The following SOX6 variants were observed in gnomAD, a reference collection of about 807,000 sequenced individuals.
SOX6 encodes SRY-box transcription factor 6.
A neutral mutation model predicts 97.8 loss-of-function variants in SOX6; 11 were observed. The ratio of observed to expected loss-of-function variants is 0.11; its 90% CI spans 0.07 to 0.19. The LOEUF (loss-of-function observed/expected upper bound fraction) is 0.19, where lower values mean the gene tolerates loss of function less well. SOX6 is among the 10% of genes least tolerant of loss of function. SOX6 has a pLI of 1.00. For synonymous variants in SOX6, 360 were observed against 371.4 expected (o/e 0.97, Z 0.35); for missense variants, 810 against 1,039.5 (o/e 0.78, Z 3.04).
At chr11:16,087,712 T>C (rs1848607136) in intron 9 of SOX6, among the ~76,000 whole-genome samples, 1 of 152,144 alleles carries the variant, frequency 6.6e-6, no homozygotes, top group African/African-American at 2.4e-5. Flanking sequence ...GGTGAGGATA[T>C]TTCTGCTAAG....
intron 1 of SOX6, among the ~76,000 whole-genome samples, chr11:16,353,201 CTG>C (rs1856992118): frequency 6.6e-6 from 1 of 152,036 alleles, no homozygotes; most frequent in Admixed American, 6.6e-5. Context: ...TCAGACAAAA[CTG>C]GAGCTGCCTC....
intron 4 of SOX6, among the ~76,000 whole-genome samples, chr11:16,225,317 C>A (rs1482061730): frequency 1.3e-5 from 2 of 151,134 alleles, no homozygotes. Flanking sequence ...TTTTTAAGTT[C>A]CACCAGATAT....
At chr11:16,006,857 T>C (rs1045552353) in intron 13 of SOX6, among the ~76,000 whole-genome samples, 3 of 152,056 alleles carry the variant, frequency 2.0e-5, no homozygotes, top group African/African-American at 7.2e-5. Flanking sequence ...TATGAGATAA[T>C]CAGTAAATTA....
intron 1 of SOX6, among the ~76,000 whole-genome samples, chr11:16,432,199 T>C (rs1859284515): frequency 6.6e-6 from 1 of 152,110 alleles, no homozygotes; most frequent in African/African-American, 2.4e-5. Context: ...ATACTGTCTT[T>C]AATTAGCACC....
At position 16,464,248 on chromosome 11, in the gene SOX6, A is replaced by G. The variant is rs79979230; in HGVS notation, c.-5+12067T>C. 7.6e-3 allele frequency among the ~76,000 whole-genome samples: 1,156 copies of G among 152,282 alleles called. 11 individuals are homozygous for G. The highest frequency in any genetic ancestry group is 0.027 in the African/African-American group (1,121 of 41,540). ...CTATCTTCATCACCCCCAAAATAGT[A>G]AAACTAATTCCAACAGTTCCTTAGT... is the stretch of plus-strand genomic sequence containing the variant. On this transcript the variant is annotated intron_variant, in intron 1 of 15. Coordinates refer to the SOX6 transcript ENST00000396356.
chr11:16,410,425 T>C (rs1277444423), intron 1 of SOX6, among the ~76,000 whole-genome samples: 1 of 152,112 alleles, frequency 6.6e-6, no homozygotes, highest in Non-Finnish European at 1.5e-5. Context: ...ATGACATCTA[T>C]GATCTAATTG....
At chr11:16,079,582 ATG>A (rs1251285663) in intron 9 of SOX6, among the ~76,000 whole-genome samples, 9 of 152,186 alleles carry the variant, frequency 5.9e-5, no homozygotes, top group Admixed American at 5.9e-4. Context: ...AAAGTAAAAT[ATG>A]TGTTTGTTAT....
chr11:16,376,793 T>C (rs996924793), intron 1 of SOX6, among the ~76,000 whole-genome samples: 2 of 152,080 alleles, frequency 1.3e-5, no homozygotes, highest in East Asian at 3.9e-4. Flanking sequence ...CCTACTGCAC[T>C]ATAGATAGAA....
At chr11:16,385,835 A>C (rs1857967648) in intron 1 of SOX6, among the ~76,000 whole-genome samples, 1 of 152,210 alleles carries the variant, frequency 6.6e-6, no homozygotes, top group African/African-American at 2.4e-5. Context: ...AAGGAGAAAA[A>C]TATGTAAAAC....
At chr11:15,983,987 A>T (rs1853748661) in intron 15 of SOX6, among the ~76,000 whole-genome samples, 1 of 152,164 alleles carries the variant, frequency 6.6e-6, no homozygotes, top group African/African-American at 2.4e-5. Context: ...TTTTGAGACA[A>T]AGTAGTAAAG....
intron 9 of SOX6, among the ~76,000 whole-genome samples, chr11:16,060,199 A>G (rs1308664203): frequency 6.6e-6 from 1 of 151,988 alleles, no homozygotes; most frequent in Non-Finnish European, 1.5e-5. Flanking sequence ...AATCCTTCAA[A>G]TTGAGTGAAT....
At chr11:16,155,273 T>C (rs1850568037) in intron 6 of SOX6, among the ~76,000 whole-genome samples, 1 of 152,118 alleles carries the variant, frequency 6.6e-6, no homozygotes, top group African/African-American at 2.4e-5. Flanking sequence ...AGAGCCAGAC[T>C]AAGTCTGAAT....
At chr11:16,698,682 C>T (rs1368431863) in intron 3 of SOX6, among the ~76,000 whole-genome samples, 3 of 152,074 alleles carry the variant, frequency 2.0e-5, no homozygotes, top group Non-Finnish European at 2.9e-5. Context: ...ACTTGAATAT[C>T]GAGAGGCGAT....
At chr11:16,158,606 G>T (rs545198300) in intron 6 of SOX6, among the ~76,000 whole-genome samples, 1 of 152,042 alleles carries the variant, frequency 6.6e-6, no homozygotes, top group South Asian at 2.1e-4. Context: ...GCAAAATGAA[G>T]AAATTGTAGG....
intron 1 of SOX6, among the ~76,000 whole-genome samples, chr11:16,399,472 C>T (rs1469239347): frequency 6.6e-6 from 1 of 151,292 alleles, no homozygotes; most frequent in Non-Finnish European, 1.5e-5. Context: ...GTGATCCTCT[C>T]ACCTCAGCCT....
chr11:16,211,403 GGACCAA>G (rs1472876425), intron 4 of SOX6, among the ~76,000 whole-genome samples: 1 of 151,756 alleles, frequency 6.6e-6, no homozygotes, highest in East Asian at 1.9e-4. Context: ...TTAATGGCCT[GGACCAA>G]GGTGATAGCA....
chr11:16,234,005 C>CAAAAAAAAAAAAAAAAAAAAA (rs751876773), intron 4 of SOX6, among the ~76,000 whole-genome samples: 1 of 55,960 alleles, frequency 1.8e-5, no homozygotes, highest in African/African-American at 5.9e-5. Context: ...GACTGCATCT[C>CAAAAAAAAAAAAAAAAAAAAA]AAAAAAAAAA....
In SOX6 at chr11:16,191,777, T is replaced by C. The variant is rs991161344; in HGVS notation, c.536-4822A>G. On this transcript the variant is annotated intron_variant, in intron 4 of 15. Transcript: ENST00000683767. ...ATGCCTTTTATCCAACATCACACAGTGTGCGCCTGACACTCTCTACTATAA... is the reference window on the plus strand; with the variant it reads ...ATGCCTTTTATCCAACATCACACAGCGTGCGCCTGACACTCTCTACTATAA... Among the ~76,000 whole-genome samples the C allele has an allele frequency of 2.0e-5, 3 of 152,084 alleles. No homozygotes were observed. The South Asian group carries it at 6.2e-4, about 32-fold the overall frequency.
chr11:16,506,500 G>A (rs1375296554), intron 4 of SOX6, among the ~76,000 whole-genome samples: 1 of 152,178 alleles, frequency 6.6e-6, no homozygotes, highest in Non-Finnish European at 1.5e-5. Flanking sequence ...CTTTGGACCT[G>A]GAGTTTTGAG....
Sources: gnomAD v4.1 joint callset for allele counts (sites outside exome capture counted in the v4.1 genomes callset) on GRCh38, gnomAD v4.1.1 for gene constraint, MANE v1.5 for transcripts, NCBI Gene and HGNC (gene_info 2026-07-23, HGNC 2026-07-21) for gene names.